The following CCSER1 variants were observed in gnomAD, a reference collection of about 807,000 sequenced individuals.
CCSER1 encodes coiled-coil serine rich protein 1, also known as serine-rich coiled-coil domain-containing protein 1.
CCSER1 carries 41 observed loss-of-function variants against 82.0 expected under a neutral mutation model. That is an observed-to-expected ratio of 0.50 (90% CI 0.39 to 0.65). The LOEUF (loss-of-function observed/expected upper bound fraction) is 0.65, where lower values mean the gene tolerates loss of function less well. Ranked by LOEUF, CCSER1 falls within the 30% of genes least tolerant of loss-of-function variation. The pLI, the probability that CCSER1 is intolerant of heterozygous loss-of-function variation, is 0.00. For synonymous variants in CCSER1, 414 were observed against 383.9 expected (o/e 1.08, Z -0.92); for missense variants, 1,119 against 1,064.2 (o/e 1.05, Z -0.72).
intron 10 of CCSER1, among the ~76,000 whole-genome samples, chr4:91,245,219 A>G (rs1028675101): frequency 6.6e-6 from 1 of 152,196 alleles, no homozygotes; most frequent in Non-Finnish European, 1.5e-5. Flanking sequence ...ATAGTGGTAT[A>G]AAGCTTGTTC....
At chr4:90,921,907 C>G (rs1728440326) in intron 8 of CCSER1, among the ~76,000 whole-genome samples, 1 of 152,012 alleles carries the variant, frequency 6.6e-6, no homozygotes, top group South Asian at 2.1e-4. Context: ...CCTATTACTA[C>G]CTCTCCCTGT....
chr4:90,236,712 AT>A (rs952410576), intron 1 of CCSER1, among the ~76,000 whole-genome samples: 7 of 149,164 alleles, frequency 4.7e-5, no homozygotes, highest in East Asian at 2.0e-4. Flanking sequence ...TAGGACTCTA[AT>A]TTTTTTTTTC....
intron 1 of CCSER1, among the ~76,000 whole-genome samples, chr4:90,251,339 A>C (rs1240563797): frequency 6.6e-6 from 1 of 151,876 alleles, no homozygotes; most frequent in Non-Finnish European, 1.5e-5. Flanking sequence ...TTGGATTTTT[A>C]CCAGTAGGTA....
intron 10 of CCSER1, among the ~76,000 whole-genome samples, chr4:91,098,512 CT>C (rs1724730005): frequency 6.6e-6 from 1 of 151,770 alleles, no homozygotes; most frequent in African/African-American, 2.4e-5. Context: ...CAAAGTCACT[CT>C]TTTCTCTTGC....
At position 91,143,685 on chromosome 4, in the gene CCSER1, G is replaced by T. The variant is rs527709081; in HGVS notation, c.2217+57691G>T. ...TCTTTAGTATTTTTTTAATCATGAA[G>T]TGGTGTTGTATTTTATTGAAAGCTT... On this transcript the variant is annotated intron_variant, in intron 10 of 10. Transcript: ENST00000509176. Among the ~76,000 whole-genome samples, 3 of 152,118 alleles carry T rather than the reference G, an allele frequency of 2.0e-5. No individual in the cohort carries two copies. The East Asian group carries it at 5.8e-4, about 29-fold the overall frequency.
intron 5 of CCSER1, among the ~76,000 whole-genome samples, chr4:90,513,001 G>A (rs1378588380): frequency 1.3e-5 from 2 of 152,036 alleles, no homozygotes; most frequent in East Asian, 1.9e-4. Flanking sequence ...TATTTTAGAA[G>A]ATTCACAAGC....
chr4:91,172,265 T>C (rs554549685), intron 10 of CCSER1, among the ~76,000 whole-genome samples: 55 of 152,302 alleles, frequency 3.6e-4, no homozygotes, highest in African/African-American at 1.3e-3. Flanking sequence ...AGTAGGGATA[T>C]ACATATTGTT....
At chr4:91,191,982 GC>G (rs1735032873) in intron 10 of CCSER1, among the ~76,000 whole-genome samples, 1 of 152,100 alleles carries the variant, frequency 6.6e-6, no homozygotes, top group African/African-American at 2.4e-5. Flanking sequence ...CTTCTGTTCT[GC>G]CTTTAACTTG....
intron 1 of CCSER1, among the ~76,000 whole-genome samples, chr4:90,153,509 C>A (rs984943829): frequency 2.6e-4 from 40 of 152,020 alleles, no homozygotes; most frequent in Admixed American, 1.4e-3. Flanking sequence ...CCAACAGTGT[C>A]AAAGTGTTCC....
chr4:90,580,633 G>A (rs1252995500), intron 5 of CCSER1, among the ~76,000 whole-genome samples: 2 of 152,190 alleles, frequency 1.3e-5, no homozygotes, highest in Non-Finnish European at 2.9e-5. Flanking sequence ...CTGGCCCAGG[G>A]CCAGTGCTGC....
intron 9 of CCSER1, among the ~76,000 whole-genome samples, chr4:91,078,093 G>A (rs771512725): frequency 1.3e-5 from 2 of 152,334 alleles, no homozygotes; most frequent in Non-Finnish European, 2.9e-5. Flanking sequence ...GAAGAGAATA[G>A]TGGTTCTTCC....
chr4:91,481,641 G>A (rs1416716656), intron 10 of CCSER1, among the ~76,000 whole-genome samples: 1 of 152,154 alleles, frequency 6.6e-6, no homozygotes, highest in East Asian at 1.9e-4. Context: ...CTCTACAAAT[G>A]AAACTATTGG....
chr4:91,082,943 A>G (rs1369811015), intron 9 of CCSER1, among the ~76,000 whole-genome samples: 2 of 152,202 alleles, frequency 1.3e-5, no homozygotes, highest in African/African-American at 2.4e-5. Context: ...AGAAATAGGG[A>G]CACTTCTACA....
chr4:90,456,194 C>A (rs1424791860), intron 4 of CCSER1, among the ~76,000 whole-genome samples: 1 of 152,114 alleles, frequency 6.6e-6, no homozygotes, highest in Non-Finnish European at 1.5e-5. Flanking sequence ...GGGAAAAAAC[C>A]TTTTGCCCTG....
intron 8 of CCSER1, among the ~76,000 whole-genome samples, chr4:90,917,682 A>C (rs974778635): frequency 6.6e-6 from 1 of 152,034 alleles, no homozygotes; most frequent in African/African-American, 2.4e-5. Context: ...AAGATCAAAA[A>C]AATTACATCA....
At chr4:90,570,956 A>T (rs570773729) in intron 5 of CCSER1, among the ~76,000 whole-genome samples, 1 of 152,262 alleles carries the variant, frequency 6.6e-6, no homozygotes, top group African/African-American at 2.4e-5. Flanking sequence ...AAAAAAACAT[A>T]CAAGCAGCTA....
At chr4:90,241,706 A>G (rs1223653117) in intron 1 of CCSER1, among the ~76,000 whole-genome samples, 2 of 152,208 alleles carry the variant, frequency 1.3e-5, no homozygotes, top group Admixed American at 6.5e-5. Flanking sequence ...AAAAAATGCC[A>G]ACATGAATAA....
At chr4:90,802,099 T>C (rs563169607) in intron 7 of CCSER1, among the ~76,000 whole-genome samples, 1 of 151,950 alleles carries the variant, frequency 6.6e-6, no homozygotes, top group East Asian at 1.9e-4. Context: ...GTGCCTGTAG[T>C]CTCAGCTACT....
At chr4:91,534,701 T>G (rs2110177524) in intron 10 of CCSER1, among the ~76,000 whole-genome samples, 1 of 152,124 alleles carries the variant, frequency 6.6e-6, no homozygotes, top group Admixed American at 6.6e-5. Context: ...TTAATTCAAT[T>G]TTTATGTGTG....
Sources: allele counts gnomAD v4.1 joint callset (sites outside exome capture counted in the v4.1 genomes callset), GRCh38; gene constraint gnomAD v4.1.1; transcripts MANE v1.5; gene names NCBI Gene and HGNC (gene_info 2026-07-23, HGNC 2026-07-21).